KIAA1671: variants seen among roughly 807,000 people sequenced by gnomAD.
The protein encoded by KIAA1671 is KIAA1671, also known as uncharacterized protein KIAA1671.
In KIAA1671, 52 loss-of-function variants were observed where a neutral mutation model predicts 131.2. The observed-to-expected ratio is 0.40, with a 90% CI of 0.32 to 0.50. The LOEUF (loss-of-function observed/expected upper bound fraction) is 0.50. KIAA1671 is among the 20% of genes least tolerant of loss of function. KIAA1671 has a pLI of 0.73. For synonymous variants in KIAA1671, 1,003 were observed against 961.6 expected (o/e 1.04, Z -0.80); for missense variants, 2,360 against 2,364.2 (o/e 1.00, Z 0.04).
intron 6 of KIAA1671, among the ~76,000 whole-genome samples, chr22:25,076,289 G>C (rs1929105680): frequency 6.6e-6 from 1 of 151,944 alleles, no homozygotes; most frequent in African/African-American, 2.4e-5. Flanking sequence ...TGGAAACTTA[G>C]GTTATTCCCA....
At chr22:25,069,571 C>T (rs1370137719) in intron 6 of KIAA1671, among the ~76,000 whole-genome samples, 1 of 151,418 alleles carries the variant, frequency 6.6e-6, no homozygotes, top group East Asian at 1.9e-4. Flanking sequence ...TGGGTTCCAG[C>T]CTTGCTTTAG....
At chr22:24,982,333 C>A (rs1292692899) in intron 1 of KIAA1671, among the ~76,000 whole-genome samples, 3 of 152,202 alleles carry the variant, frequency 2.0e-5, no homozygotes, top group African/African-American at 7.2e-5. Flanking sequence ...CTAGAAGTGG[C>A]CTTACTCTCT....
At chr22:25,100,770 G>A (rs1040117410) in intron 6 of KIAA1671, among the ~76,000 whole-genome samples, 7 of 152,190 alleles carry the variant, frequency 4.6e-5, no homozygotes, top group African/African-American at 1.4e-4. Context: ...ACAGGCTAGG[G>A]ATTGGGTCTT....
Position 25,131,868 on chromosome 22 carries a change from C to T in KIAA1671, c.4531-38952C>T, listed in dbSNP as rs149974763. On this transcript the variant is annotated intron_variant, in intron 6 of 12. Coordinates refer to ENST00000358431, the MANE Select transcript of KIAA1671 (RefSeq NM_001145206.2). ...GCCCCTTGGTGCCTCACTGTCTTCC[C>T]CTCTGAAGGGGATGGCCGGGGCATA... Among the ~76,000 whole-genome samples, 325 of 152,328 alleles carry T rather than the reference C, an allele frequency of 2.1e-3. 1 individual carries two copies. Among genetic ancestry groups the T allele is most frequent in the African/African-American group, 7.1e-3 (296 of 41,576 alleles).
rs1930247083 is a variant in KIAA1671, at chr22:25,093,831, TC to T, written c.4530+44468del. Among the ~76,000 whole-genome samples the T allele has an allele frequency of 1.4e-4, 11 of 80,330 alleles. 2 individuals are homozygous for T. Among genetic ancestry groups the T allele is most frequent in the Non-Finnish European group, 1.9e-4 (8 of 42,428 alleles). The allele number at this position is 80,330 out of a possible 152,430, so 52.7% of individuals were successfully genotyped here. On this transcript the variant is annotated intron_variant, in intron 6 of 12. Transcript: ENST00000358431. Reference sequence around the variant, plus strand: ...CTCTCTGTCTCTCTCTCTTTCTCTCTCTGTCTGTCTCTCTCTCTCTCTCTCT... The same window carrying T: ...CTCTCTGTCTCTCTCTCTTTCTCTCTTGTCTGTCTCTCTCTCTCTCTCTCT...
Position 25,027,930 on chromosome 22 carries a change from G to A in KIAA1671, c.-55-15G>A, listed in dbSNP as rs1290453898. ...GTTTTCCAAATTTACTTGTTTGTTT[G>A]TTTTGTTTGTTTAGCAATTGCTTCT... is the stretch of plus-strand genomic sequence containing the variant. On this transcript the variant is annotated splice_polypyrimidine_tract_variant and intron_variant, in intron 2 of 12. Transcript: ENST00000358431. 8.3e-7 allele frequency: 1 copy of A among 1,204,944 alleles called. No homozygotes were observed. Among genetic ancestry groups the A allele is most frequent in the Middle Eastern group, 2.0e-4 (1 of 5,018 alleles). The allele number at this position is 1,204,944 out of a possible 1,614,324, so 74.6% of individuals were successfully genotyped here.
chr22:25,069,290 G>T (rs930213690), intron 6 of KIAA1671, among the ~76,000 whole-genome samples: 3 of 152,324 alleles, frequency 2.0e-5, no homozygotes, highest in Admixed American at 6.5e-5. Context: ...TTTTACAGAA[G>T]GGGTAACTGA....
intron 5 of KIAA1671, among the ~76,000 whole-genome samples, chr22:25,048,202 A>AT (rs1183334130): frequency 5.9e-5 from 9 of 152,222 alleles, no homozygotes; most frequent in African/African-American, 1.4e-4. Context: ...TGGATCTGAG[A>AT]TGAGTGTGAG....
Position 25,190,793 on chromosome 22 carries a change from G to A in KIAA1671, c.*4+9G>A. Reference sequence around the variant, plus strand: ...GAACCAAGTTTGACCAGGTATGAAGGGGCTCTGTTGGGGAACCTGGGAAGA... The same window carrying A: ...GAACCAAGTTTGACCAGGTATGAAGAGGCTCTGTTGGGGAACCTGGGAAGA... On this transcript the variant is annotated intron_variant, in intron 12 of 12. Coordinates refer to ENST00000358431, the MANE Select transcript of KIAA1671 (RefSeq NM_001145206.2). 2 of 1,536,274 alleles carry A rather than the reference G, an allele frequency of 1.3e-6. No individual in the cohort carries two copies. The highest frequency in any genetic ancestry group is 1.4e-5 in the African/African-American group (1 of 72,880).
chr22:25,082,456 A>G (rs1215157872), intron 6 of KIAA1671, among the ~76,000 whole-genome samples: 1 of 152,176 alleles, frequency 6.6e-6, no homozygotes, highest in Admixed American at 6.5e-5. Flanking sequence ...CCCAGAGGAC[A>G]CAATGTAACC....
At chr22:24,997,785 G>A (rs779366832) in intron 1 of KIAA1671, among the ~76,000 whole-genome samples, 10 of 152,102 alleles carry the variant, frequency 6.6e-5, no homozygotes, top group African/African-American at 1.4e-4. Context: ...ACACGTTTAC[G>A]TATGTATACA....
chr22:25,134,395 C>T (rs1021214123), intron 6 of KIAA1671, among the ~76,000 whole-genome samples: 4 of 152,056 alleles, frequency 2.6e-5, no homozygotes, highest in Admixed American at 2.6e-4. Context: ...TGTGTGTGTA[C>T]CCGAAATCTG....
chr22:25,093,758 C>CTT (rs1930197982), intron 6 of KIAA1671, among the ~76,000 whole-genome samples: 5 of 109,152 alleles, frequency 4.6e-5, no homozygotes, highest in East Asian at 2.6e-4. Flanking sequence ...CTCTCTCTCT[C>CTT]TCTCTCTCTG....
chr22:25,103,828 C>T (rs1186225979), intron 6 of KIAA1671, among the ~76,000 whole-genome samples: 1 of 152,034 alleles, frequency 6.6e-6, no homozygotes, highest in East Asian at 1.9e-4. Flanking sequence ...ACCTCACTGG[C>T]CTCTGCAAAA....
intron 7 of KIAA1671, 83 bp downstream of exon 7, chr22:25,171,021 A>G: frequency 9.4e-7 from 1 of 1,067,436 alleles, no homozygotes; most frequent in East Asian, 2.6e-5. Flanking sequence ...CCTGATTTCT[A>G]TATTGCTAAA....
chr22:25,116,057 T>A (rs539850543), intron 6 of KIAA1671, among the ~76,000 whole-genome samples: 1 of 152,294 alleles, frequency 6.6e-6, no homozygotes, highest in East Asian at 1.9e-4. Context: ...ATTACAGGCA[T>A]GAGCCACTGT....
At chr22:24,993,652 C>G (rs1310839387) in intron 1 of KIAA1671, among the ~76,000 whole-genome samples, 1 of 152,216 alleles carries the variant, frequency 6.6e-6, no homozygotes, top group Admixed American at 6.5e-5. Flanking sequence ...TTCCACCTTC[C>G]ACCTGCTCTA....
chr22:24,992,467 G>A lies in KIAA1671; in HGVS notation c.-207-33166G>A, dbSNP rs115669720. On this transcript the variant is annotated intron_variant, in intron 1 of 12. Transcript: ENST00000358431. Reference sequence around the variant, plus strand: ...CTGTCTTGTTCACACCTGTATCTCTGGCTCCTAGTACAGTGCCTGGCACAT... The same window carrying A: ...CTGTCTTGTTCACACCTGTATCTCTAGCTCCTAGTACAGTGCCTGGCACAT... Among the ~76,000 whole-genome samples, 314 of 152,190 alleles carry A rather than the reference G, an allele frequency of 2.1e-3. 2 individuals carry two copies. Among genetic ancestry groups the A allele is most frequent in the African/African-American group, 7.3e-3 (303 of 41,522 alleles).
chr22:25,159,542 T>A (rs935337182), intron 6 of KIAA1671, among the ~76,000 whole-genome samples: 4 of 152,130 alleles, frequency 2.6e-5, no homozygotes, highest in Non-Finnish European at 4.4e-5. Flanking sequence ...GTTAAAACGA[T>A]GTGTTTGGGA....
Sources: gnomAD v4.1 joint callset for allele counts (sites outside exome capture counted in the v4.1 genomes callset) on GRCh38, gnomAD v4.1.1 for gene constraint, MANE v1.5 for transcripts, NCBI Gene and HGNC (gene_info 2026-07-23, HGNC 2026-07-21) for gene names.